Variants in FAM149B1 observed in about 807,000 individuals in gnomAD.
The protein encoded by FAM149B1 is family with sequence similarity 149 member B1.
Under a neutral mutation model 75.3 loss-of-function variants are expected in FAM149B1, and 56 were observed. That is an observed-to-expected ratio of 0.74 (90% CI 0.60 to 0.93). The LOEUF (loss-of-function observed/expected upper bound fraction) is 0.93. Ranked by LOEUF, FAM149B1 falls within the 40% of genes least tolerant of loss-of-function variation. FAM149B1 has a pLI of 0.00. For synonymous variants in FAM149B1, 259 were observed against 256.1 expected (o/e 1.01, Z -0.11); for missense variants, 639 against 708.4 (o/e 0.90, Z 1.11).
At chr10:73,183,735 A>G (rs891692857) in intron 3 of FAM149B1, among the ~76,000 whole-genome samples, 1 of 152,226 alleles carries the variant, frequency 6.6e-6, no homozygotes, top group African/African-American at 2.4e-5. Context: ...AAAAGCATAT[A>G]ACAAATAAAG....
chr10:73,229,134 C>G (rs2043625624), intron 8 of FAM149B1, among the ~76,000 whole-genome samples: 1 of 152,116 alleles, frequency 6.6e-6, no homozygotes, highest in African/African-American at 2.4e-5. Context: ...TGAGTCTGAA[C>G]AAGCACAAAG....
At chr10:73,186,778 A>G (rs1308608787) in intron 3 of FAM149B1, among the ~76,000 whole-genome samples, 1 of 152,248 alleles carries the variant, frequency 6.6e-6, no homozygotes, top group African/African-American at 2.4e-5. Context: ...GAAGCCAGAC[A>G]TGACACATCA....
chr10:73,216,176 T>TTTGA (rs2043294282), intron 7 of FAM149B1, among the ~76,000 whole-genome samples: 1 of 152,214 alleles, frequency 6.6e-6, no homozygotes, highest in Non-Finnish European at 1.5e-5. Flanking sequence ...TTTTTATGTT[T>TTTGA]TTGATTTAAA....
intron 12 of FAM149B1, among the ~76,000 whole-genome samples, chr10:73,236,941 G>A (rs1483331956): frequency 3.3e-5 from 5 of 150,062 alleles, no homozygotes; most frequent in Admixed American, 6.6e-5. Flanking sequence ...CTCAAACTCC[G>A]AGGTTCAAGT....
chr10:73,193,527 C>G lies in FAM149B1; in HGVS notation c.476C>G (p.Pro159Arg), dbSNP rs1412535755. 1 of 1,550,358 alleles carries G rather than the reference C, an allele frequency of 6.5e-7. No homozygotes were observed. Among genetic ancestry groups the G allele is most frequent in the Admixed American group, 2.0e-5 (1 of 50,978 alleles). ...ITPSEGYRLYPRSPSAVSASY... is the reference protein window; with the variant it reads ...ITPSEGYRLYRRSPSAVSASY... ...CCAAGTGAAGGTTATAGATTGTATC[C>G]TAGATCCCCTTCTGCTGTTTCCGCT... Residue 159 changes from proline (P) to arginine (R), a missense_variant, in exon 5 of 14, where the codon CCT becomes CGT. Physicochemically the swap from Pro to Arg is moderately radical, Grantham distance 103. Coordinates refer to ENST00000242505, the MANE Select transcript of FAM149B1 (RefSeq NM_173348.2).
In FAM149B1 at chr10:73,177,885, C is replaced by T. The variant is rs748447944; in HGVS notation, c.192C>T (p.Ala64=). 37 of 1,551,620 alleles carry T rather than the reference C, an allele frequency of 2.4e-5. No homozygotes were observed. Among genetic ancestry groups the T allele is most frequent in the South Asian group, 1.9e-4 (16 of 84,058 alleles). Residue 64 remains alanine, a synonymous_variant, in exon 3 of 14, where the codon GCC becomes GCT. Coordinates refer to ENST00000242505, the MANE Select transcript of FAM149B1 (RefSeq NM_173348.2). The part of the protein sequence containing the change: ...DITRESSFTS[A]DTGNSLSAFP... ...CAAGAGAATCATCTTTTACATCAGC[C>T]GACACTGGGAATTCACTGTCTGCTT...
At chr10:73,179,673 G>A (rs575340246) in intron 3 of FAM149B1, among the ~76,000 whole-genome samples, 50 of 151,998 alleles carry the variant, frequency 3.3e-4, no homozygotes, top group African/African-American at 1.2e-3. Context: ...ATAGGCATGA[G>A]CCACTGCACC....
intron 7 of FAM149B1, among the ~76,000 whole-genome samples, chr10:73,227,420 A>G (rs11000556): frequency 0.1 from 15,951 of 152,144 alleles, 1,214 homozygotes; most frequent in East Asian, 0.31. Context: ...GCTCTTAGTC[A>G]TATTTTCTAT....
At chr10:73,188,362 C>T (rs374639672) in intron 3 of FAM149B1, among the ~76,000 whole-genome samples, 4 of 151,792 alleles carry the variant, frequency 2.6e-5, no homozygotes, top group African/African-American at 9.7e-5. Flanking sequence ...ACTATAAATC[C>T]CTTAGAAGAA....
rs186912662 is a variant in FAM149B1, at chr10:73,187,678, G to C, written c.283-4878G>C. 3.1e-3 allele frequency among the ~76,000 whole-genome samples: 474 copies of C among 151,270 alleles called. 5 individuals are homozygous for C. The highest frequency in any genetic ancestry group is 0.01 in the African/African-American group (428 of 41,208). ...CAGGAGGTGGAGGTTGCTGTGAGCC[G>C]AGATCGCACCATTGCACTCCAGCCT... On this transcript the variant is annotated intron_variant, in intron 3 of 13. Coordinates refer to ENST00000242505, the MANE Select transcript of FAM149B1 (RefSeq NM_173348.2).
chr10:73,187,391 T>TA (rs773682735), intron 3 of FAM149B1, among the ~76,000 whole-genome samples: 5,703 of 80,718 alleles, frequency 0.071, 381 homozygotes, highest in African/African-American at 0.19. Context: ...TCCAGATTAG[T>TA]AAAAAAAAAA....
chr10:73,209,174 C>T (rs1485023316), intron 6 of FAM149B1, among the ~76,000 whole-genome samples: 10 of 152,078 alleles, frequency 6.6e-5, no homozygotes, highest in Admixed American at 2.0e-4. Context: ...ACAGGCTGGG[C>T]GCGGTGGCTC....
At chr10:73,228,209 A>G in intron 8 of FAM149B1, 25 bp downstream of exon 8, 2 of 1,550,590 alleles carry the variant, frequency 1.3e-6, no homozygotes, top group South Asian at 2.4e-5. Flanking sequence ...GATCAGTTGG[A>G]GACCCCAGGG....
chr10:73,238,333 C>T (rs753528229), intron 12 of FAM149B1, among the ~76,000 whole-genome samples: 1 of 152,046 alleles, frequency 6.6e-6, no homozygotes, highest in Admixed American at 6.6e-5. Flanking sequence ...GGCGACAGAG[C>T]GAGAAGACTC....
chr10:73,221,910 T>C (rs2043424389), intron 7 of FAM149B1, among the ~76,000 whole-genome samples: 1 of 152,206 alleles, frequency 6.6e-6, no homozygotes, highest in African/African-American at 2.4e-5. Flanking sequence ...TTCTACAACG[T>C]TGAATCTGCT....
intron 7 of FAM149B1, among the ~76,000 whole-genome samples, chr10:73,224,246 G>C (rs2043482925): frequency 6.6e-6 from 1 of 152,100 alleles, no homozygotes; most frequent in Non-Finnish European, 1.5e-5. Flanking sequence ...CTCTGCCCTT[G>C]TAGCATGAAA....
rs2042916661 is a variant in FAM149B1, at chr10:73,200,785, G to A, written c.542+7192G>A. 12 of 471,002 alleles carry A rather than the reference G, an allele frequency of 2.5e-5. 1 individual carries two copies. The highest frequency in any genetic ancestry group is 2.1e-4 in the South Asian group (12 of 57,588). 29.2% of individuals were successfully genotyped at this position (471,002 alleles called of 1,614,324 possible). A position where few individuals can be genotyped will look rare whatever the true frequency, so the allele number is the denominator to read the frequency against. ...ATATCAGTGTTGAGCAGGAGGAATG[G>A]AAGTTGGATATACTTTGTGACTTGT... On this transcript the variant is annotated intron_variant, in intron 5 of 13. Coordinates refer to ENST00000242505, the MANE Select transcript of FAM149B1 (RefSeq NM_173348.2).
intron 5 of FAM149B1, among the ~76,000 whole-genome samples, chr10:73,206,921 AC>A (rs2043075393): frequency 9.1e-6 from 1 of 110,012 alleles, no homozygotes; most frequent in Non-Finnish European, 1.7e-5. Flanking sequence ...TCTCAAAAAA[AC>A]AAACAAACAA....
At chr10:73,212,052 G>T (rs2043195874) in intron 7 of FAM149B1, among the ~76,000 whole-genome samples, 2 of 152,102 alleles carry the variant, frequency 1.3e-5, no homozygotes, top group Admixed American at 1.3e-4. Flanking sequence ...TGTGGTATTT[G>T]ACTTTCTGTT....
Sources: allele counts gnomAD v4.1 joint callset (sites outside exome capture counted in the v4.1 genomes callset), GRCh38; gene constraint gnomAD v4.1.1; transcripts MANE v1.5; gene names NCBI Gene and HGNC (gene_info 2026-07-23, HGNC 2026-07-21).